The following FOXN3 variants were observed in gnomAD, a reference collection of about 807,000 sequenced individuals.
FOXN3 encodes forkhead box protein N3.
In FOXN3, 7 loss-of-function variants were observed where a neutral mutation model predicts 38.4. The observed-to-expected ratio is 0.18, with a 90% confidence interval of 0.10 to 0.34. FOXN3 has a LOEUF of 0.34. Among genes scored for constraint, FOXN3 ranks in the 10% least tolerant of loss-of-function variants. The probability of loss-of-function intolerance (pLI) is 1.00; values close to 1 mark genes in which losing one functional copy is unlikely to be tolerated. For synonymous variants in FOXN3, 230 were observed against 242.2 expected (o/e 0.95, Z 0.47); for missense variants, 456 against 613.4 (o/e 0.74, Z 2.71).
intron 1 of FOXN3, among the ~76,000 whole-genome samples, chr14:89,430,013 C>T (rs535308620): frequency 6.6e-6 from 1 of 152,172 alleles, no homozygotes; most frequent in Non-Finnish European, 1.5e-5. Flanking sequence ...CAAGTTTAAG[C>T]AGACACAGCT....
intron 3 of FOXN3, among the ~76,000 whole-genome samples, chr14:89,312,951 C>G (rs989939575): frequency 6.6e-6 from 1 of 152,122 alleles, no homozygotes; most frequent in African/African-American, 2.4e-5. Context: ...TCTCAAGAGG[C>G]CTGGGATTAC....
intron 3 of FOXN3, among the ~76,000 whole-genome samples, chr14:89,303,323 C>T (rs1313416619): frequency 6.6e-6 from 1 of 151,990 alleles, no homozygotes; most frequent in Non-Finnish European, 1.5e-5. Context: ...TGCCTCCCTC[C>T]ATGCTGAGAG....
At chr14:89,377,591 C>T (rs1265453675) in intron 2 of FOXN3, among the ~76,000 whole-genome samples, 2 of 152,154 alleles carry the variant, frequency 1.3e-5, no homozygotes, top group African/African-American at 4.8e-5. Flanking sequence ...TTACTCATTG[C>T]TATTCTTGCA....
intron 3 of FOXN3, among the ~76,000 whole-genome samples, chr14:89,300,331 C>T (rs1022349177): frequency 7.2e-5 from 11 of 151,832 alleles, no homozygotes; most frequent in Non-Finnish European, 1.3e-4. Context: ...TACAGGCACC[C>T]GCCATCATGC....
intron 2 of FOXN3, among the ~76,000 whole-genome samples, chr14:89,386,781 C>G (rs913287728): frequency 1.3e-5 from 2 of 152,160 alleles, no homozygotes; most frequent in Admixed American, 6.5e-5. Flanking sequence ...TAAGGACTCT[C>G]TTCGTGAGAA....
chr14:89,365,307 C>T (rs1468494909), intron 2 of FOXN3, among the ~76,000 whole-genome samples: 1 of 152,164 alleles, frequency 6.6e-6, no homozygotes, highest in Non-Finnish European at 1.5e-5. Flanking sequence ...TTTTTGTACT[C>T]TCTACACTAT....
intron 4 of FOXN3, among the ~76,000 whole-genome samples, chr14:89,206,346 G>A (rs985174434): frequency 3.9e-5 from 6 of 152,184 alleles, no homozygotes; most frequent in South Asian, 2.1e-4. Flanking sequence ...TGGATGCTGC[G>A]TATTCATTCC....
intron 1 of FOXN3, among the ~76,000 whole-genome samples, chr14:89,522,310 A>G (rs143338285): frequency 7.2e-4 from 110 of 152,290 alleles, no homozygotes; most frequent in African/African-American, 2.4e-3. Flanking sequence ...ATTTCAATAA[A>G]TGAAAAAAGC....
chr14:89,470,037 G>A (rs1893059916), intron 1 of FOXN3, among the ~76,000 whole-genome samples: 1 of 152,196 alleles, frequency 6.6e-6, no homozygotes, highest in Non-Finnish European at 1.5e-5. Flanking sequence ...CCAGAACCAA[G>A]CTGATCATCA....
At chr14:89,252,455 G>C (rs1164139134) in intron 4 of FOXN3, among the ~76,000 whole-genome samples, 1 of 152,126 alleles carries the variant, frequency 6.6e-6, no homozygotes, top group African/African-American at 2.4e-5. Flanking sequence ...AGGAGTTCGA[G>C]ACCAGCCTGA....
chr14:89,184,062 C>T (rs558436379), intron 4 of FOXN3: 14 of 152,266 alleles, frequency 9.2e-5, no homozygotes, highest in South Asian at 2.1e-4. Flanking sequence ...AATCCTGAGG[C>T]GGCCTGTGCT....
At chr14:89,589,476 T>C (rs1032072097) in intron 1 of FOXN3, among the ~76,000 whole-genome samples, 1 of 152,100 alleles carries the variant, frequency 6.6e-6, no homozygotes. Context: ...TCCTCACAAT[T>C]TGAGAATCCC....
At chr14:89,311,461 G>C (rs540859126) in intron 3 of FOXN3, among the ~76,000 whole-genome samples, 1 of 116,358 alleles carries the variant, frequency 8.6e-6, no homozygotes, top group East Asian at 2.5e-4. Flanking sequence ...GACAAGGCGA[G>C]ACTCGGCCTC....
intron 3 of FOXN3, among the ~76,000 whole-genome samples, chr14:89,316,542 A>G (rs1314695485): frequency 6.9e-6 from 1 of 145,076 alleles, no homozygotes; most frequent in Non-Finnish European, 1.5e-5. Flanking sequence ...TTTTTTTAAT[A>G]TAGAGATGGA....
chr14:89,296,888 C>G (rs1366629933), intron 3 of FOXN3, among the ~76,000 whole-genome samples: 1 of 152,142 alleles, frequency 6.6e-6, no homozygotes, highest in Non-Finnish European at 1.5e-5. Flanking sequence ...CCACCCGCCT[C>G]GGCCTCCCAA....
chr14:89,446,381 G>A (rs1892501062), intron 1 of FOXN3, among the ~76,000 whole-genome samples: 1 of 151,640 alleles, frequency 6.6e-6, no homozygotes, highest in African/African-American at 2.4e-5. Context: ...TAGAGACGGG[G>A]TTTCACCATG....
intron 4 of FOXN3, among the ~76,000 whole-genome samples, chr14:89,225,297 T>C (rs1040854835): frequency 2.0e-5 from 3 of 151,746 alleles, no homozygotes; most frequent in Non-Finnish European, 2.9e-5. Context: ...AGAGTGAGAC[T>C]GTCTCTGAAA....
At chr14:89,285,909 C>T (rs1309004327) in intron 3 of FOXN3, among the ~76,000 whole-genome samples, 2 of 149,854 alleles carry the variant, frequency 1.3e-5, no homozygotes, top group Non-Finnish European at 2.9e-5. Context: ...CTCTGTCACA[C>T]AGGCTGGAGT....
rs558941746 is a variant in FOXN3 at position 89,524,485 on chromosome 14, T to C, written c.-15+94543A>G. 2.7e-5 allele frequency among the ~76,000 whole-genome samples: 3 copies of C among 110,932 alleles called. No homozygotes were observed. In the East Asian group the frequency reaches 8.7e-4, roughly 32 times the overall value. The allele number at this position is 110,932 out of a possible 152,430, so 72.8% of individuals were successfully genotyped here. A position where few individuals can be genotyped will look rare whatever the true frequency, so the allele number is the denominator to read the frequency against. ...GTAAATAATAGAATGGAAATAAATA[T>C]AAAACAAACAAAATTAGGGAAAAAA... On this transcript the variant is annotated intron_variant, in intron 1 of 6. Transcript: ENST00000345097.
Sources: allele counts gnomAD v4.1 joint callset (sites outside exome capture counted in the v4.1 genomes callset), GRCh38; gene constraint gnomAD v4.1.1; transcripts MANE v1.5; gene names NCBI Gene and HGNC (gene_info 2026-07-23, HGNC 2026-07-21).